The following PLD5 variants were observed in gnomAD, a reference collection of about 807,000 sequenced individuals.
The protein encoded by PLD5 is inactive phospholipase D5.
In PLD5, 36 loss-of-function variants were observed where a neutral mutation model predicts 61.1. The observed-to-expected ratio is 0.59, with a 90% CI of 0.45 to 0.78. The LOEUF (loss-of-function observed/expected upper bound fraction) is 0.78. PLD5 is among the 30% of genes least tolerant of loss of function. The pLI is 0.00. For missense variants in PLD5, 515 were observed against 644.4 expected (o/e 0.80, Z 2.17); for synonymous variants, 243 against 242.8 (o/e 1.00, Z -0.01).
chr1:242,182,425 A>G (rs1667578727), intron 5 of PLD5, among the ~76,000 whole-genome samples: 2 of 152,236 alleles, frequency 1.3e-5, no homozygotes, highest in African/African-American at 2.4e-5. Context: ...CTCTGTCTCT[A>G]TCTGTATCAT....
At chr1:242,212,464 C>T (rs1353953401) in intron 5 of PLD5, among the ~76,000 whole-genome samples, 1 of 152,232 alleles carries the variant, frequency 6.6e-6, no homozygotes, top group African/African-American at 2.4e-5. Context: ...GGCTTGCAGA[C>T]CTGGAGCCAA....
chr1:242,239,319 T>A (rs960529378), intron 4 of PLD5, among the ~76,000 whole-genome samples: 4 of 152,122 alleles, frequency 2.6e-5, no homozygotes, highest in Non-Finnish European at 5.9e-5. Flanking sequence ...GAATGAATGA[T>A]TGGAAGCCTA....
chr1:242,351,168 C>T (rs1349760044), intron 1 of PLD5, among the ~76,000 whole-genome samples: 2 of 151,988 alleles, frequency 1.3e-5, no homozygotes, highest in East Asian at 1.9e-4. Context: ...CCCAAAGTGC[C>T]GGGATTACAG....
intron 5 of PLD5, among the ~76,000 whole-genome samples, chr1:242,125,993 T>C (rs1490301554): frequency 6.6e-6 from 1 of 152,166 alleles, no homozygotes; most frequent in East Asian, 1.9e-4. Context: ...TGATATATCT[T>C]TGTGCGCCTT....
chr1:242,207,932 T>TTTTATATATATTTATATATATTTTTA (rs11370783), intron 5 of PLD5, among the ~76,000 whole-genome samples: 1 of 30,834 alleles, frequency 3.2e-5, no homozygotes, highest in Non-Finnish European at 5.4e-5. Flanking sequence ...TTATATATAT[T>TTTTATATATATTTATATATATTTTTA]TATATATTTA....
At chr1:242,182,758 T>C (rs906997433) in intron 5 of PLD5, among the ~76,000 whole-genome samples, 1 of 152,008 alleles carries the variant, frequency 6.6e-6, no homozygotes, top group African/African-American at 2.4e-5. Context: ...CACAGGAATC[T>C]CTTGAACCCA....
chr1:242,440,349 C>A (rs1666214893), intron 1 of PLD5, among the ~76,000 whole-genome samples: 1 of 152,136 alleles, frequency 6.6e-6, no homozygotes, highest in Non-Finnish European at 1.5e-5. Flanking sequence ...GACCAGCCGA[C>A]AATGTTGTTC....
At chr1:242,212,160 C>T (rs75905125) in intron 5 of PLD5, among the ~76,000 whole-genome samples, 19,234 of 152,072 alleles carry the variant, frequency 0.13, 1,819 homozygotes, top group African/African-American at 0.27. Context: ...CTTCCCTCAG[C>T]CCCGATATCA....
chr1:242,317,875 A>G (rs1658118819), intron 2 of PLD5, among the ~76,000 whole-genome samples: 1 of 152,168 alleles, frequency 6.6e-6, no homozygotes, highest in Admixed American at 6.5e-5. Flanking sequence ...CAGCCTGACC[A>G]GGATGCCAGC....
intron 3 of PLD5, among the ~76,000 whole-genome samples, chr1:242,267,706 C>A (rs554271961): frequency 6.7e-6 from 1 of 150,154 alleles, no homozygotes. Context: ...ATCAGGAGAC[C>A]CTGTCTCTAC....
chr1:242,221,720 A>G (rs905282217), intron 4 of PLD5, among the ~76,000 whole-genome samples: 2 of 152,154 alleles, frequency 1.3e-5, no homozygotes, highest in African/African-American at 4.8e-5. Flanking sequence ...CAGATCCCAG[A>G]GGAGGAACTT....
chr1:242,138,251 T>G (rs1243159465), intron 5 of PLD5, among the ~76,000 whole-genome samples: 1 of 152,120 alleles, frequency 6.6e-6, no homozygotes, highest in Non-Finnish European at 1.5e-5. Context: ...CATGTCCTGA[T>G]CCCTGAAATA....
intron 1 of PLD5, among the ~76,000 whole-genome samples, chr1:242,454,924 A>T (rs1666900126): frequency 6.6e-6 from 1 of 152,308 alleles, no homozygotes; most frequent in South Asian, 2.1e-4. Context: ...GCTGTCAGGA[A>T]TTATGTATGT....
chr1:242,388,818 T>C (rs2149262437), intron 1 of PLD5, among the ~76,000 whole-genome samples: 1 of 151,982 alleles, frequency 6.6e-6, no homozygotes, highest in South Asian at 2.1e-4. Flanking sequence ...TAACTGGGCG[T>C]GGTGGCGGGG....
chr1:242,484,648 C>T (rs1667896554), intron 1 of PLD5, among the ~76,000 whole-genome samples: 1 of 152,168 alleles, frequency 6.6e-6, no homozygotes, highest in Non-Finnish European at 1.5e-5. Flanking sequence ...GAGCTGGTAC[C>T]ATTCCTTCTA....
rs1673779010 is a variant in PLD5 at position 242,267,740 on chromosome 1, A to ATT, written c.496-2293_496-2292insAA. ...ACAAAAAGTTAAAAAAAAAAAAAAA[A>ATT]GCCAGGCATGATGGTGCACGCCTGT... On this transcript the variant is annotated intron_variant, in intron 3 of 9. Transcript: ENST00000536534. Among the ~76,000 whole-genome samples, 34 of 150,568 alleles carry ATT rather than the reference A, an allele frequency of 2.3e-4. 1 individual carries two copies. Among genetic ancestry groups the ATT allele is most frequent in the Admixed American group, 2.2e-3 (34 of 15,138 alleles).
intron 2 of PLD5, among the ~76,000 whole-genome samples, chr1:242,331,586 T>C (rs1424806389): frequency 6.6e-6 from 1 of 152,118 alleles, no homozygotes; most frequent in Non-Finnish European, 1.5e-5. Flanking sequence ...AAAACATAAT[T>C]GCTAATGCCT....
At chr1:242,487,536 G>A (rs969716690) in intron 1 of PLD5, among the ~76,000 whole-genome samples, 1 of 152,102 alleles carries the variant, frequency 6.6e-6, no homozygotes, top group African/African-American at 2.4e-5. Context: ...AGAAGTAATT[G>A]ATAACTTAGA....
At chr1:242,305,971 G>A (rs1170851793) in intron 2 of PLD5, among the ~76,000 whole-genome samples, 1 of 152,156 alleles carries the variant, frequency 6.6e-6, no homozygotes, top group Non-Finnish European at 1.5e-5. Flanking sequence ...GGAAGTCCAT[G>A]GGTCTTGCAA....
Sources: gnomAD v4.1 joint callset for allele counts (sites outside exome capture counted in the v4.1 genomes callset) on GRCh38, gnomAD v4.1.1 for gene constraint, MANE v1.5 for transcripts, NCBI Gene and HGNC (gene_info 2026-07-23, HGNC 2026-07-21) for gene names.